The following KIAA0825 variants were observed in gnomAD, a reference collection of about 807,000 sequenced individuals.
The protein encoded by KIAA0825 is KIAA0825.
A neutral mutation model predicts 147.6 loss-of-function variants in KIAA0825; 119 were observed. That is an observed-to-expected ratio of 0.81 (90% CI 0.69 to 0.94). KIAA0825 has a LOEUF of 0.94. Ranked by LOEUF, KIAA0825 falls within the 40% of genes least tolerant of loss-of-function variation. The pLI is 0.00. For synonymous variants in KIAA0825, 470 were observed against 518.1 expected (o/e 0.91, Z 1.26); for missense variants, 1,381 against 1,472.7 (o/e 0.94, Z 1.02).
chr5:94,370,642 G>C (rs187999072), intron 20 of KIAA0825, among the ~76,000 whole-genome samples: 36 of 152,120 alleles, frequency 2.4e-4, no homozygotes, highest in African/African-American at 8.4e-4. Context: ...TGCTGTGGCT[G>C]AAGCCTGTAA....
chr5:94,612,685 G>T (rs888127324), intron 1 of KIAA0825, among the ~76,000 whole-genome samples: 1 of 151,976 alleles, frequency 6.6e-6, no homozygotes, highest in Non-Finnish European at 1.5e-5. Context: ...TTCACAAAAG[G>T]CCTATGAAGA....
intron 20 of KIAA0825, among the ~76,000 whole-genome samples, chr5:94,241,351 A>G (rs1775334383): frequency 6.6e-6 from 1 of 152,218 alleles, no homozygotes; most frequent in Admixed American, 6.5e-5. Context: ...ACTGTTTTAC[A>G]TAGTCATCAT....
chr5:94,371,040 A>AGGAGCTGGTGGG lies in KIAA0825; in HGVS notation c.3710+13316_3710+13327dup, dbSNP rs546248352. On this transcript the variant is annotated intron_variant, in intron 20 of 20. Coordinates refer to ENST00000682413, the MANE Select transcript of KIAA0825 (RefSeq NM_001145678.3). ...AATTAGAGTGAGACTTGTGTGATTC[A>AGGAGCTGGTGGG]GGAGCTGGTGGGGGAGCGGGTGGGA... 7.0e-3 allele frequency among the ~76,000 whole-genome samples: 1,059 copies of AGGAGCTGGTGGG among 152,312 alleles called. 13 individuals carry two copies. Among genetic ancestry groups the AGGAGCTGGTGGG allele is most frequent in the African/African-American group, 0.024 (1,009 of 41,556 alleles).
chr5:94,599,974 C>T (rs1786070590), intron 1 of KIAA0825, among the ~76,000 whole-genome samples: 1 of 152,038 alleles, frequency 6.6e-6, no homozygotes, highest in African/African-American at 2.4e-5. Context: ...TACAACTAAA[C>T]AATACAAAGA....
At chr5:94,547,736 C>CAAAAAAAAAA (rs144612994) in intron 2 of KIAA0825, among the ~76,000 whole-genome samples, 5 of 127,680 alleles carry the variant, frequency 3.9e-5, no homozygotes, top group Admixed American at 3.2e-4. Flanking sequence ...GACTCCCTTT[C>CAAAAAAAAAA]AAAAAAAAAA....
intron 20 of KIAA0825, among the ~76,000 whole-genome samples, chr5:94,261,290 G>A (rs954974855): frequency 6.6e-6 from 1 of 152,120 alleles, no homozygotes; most frequent in African/African-American, 2.4e-5. Context: ...GGGTGATGGA[G>A]TGAGAGTCTG....
At chr5:94,490,062 T>C (rs1763549553) in intron 5 of KIAA0825, among the ~76,000 whole-genome samples, 1 of 152,120 alleles carries the variant, frequency 6.6e-6, no homozygotes, top group African/African-American at 2.4e-5. Context: ...ATAGCCTACA[T>C]ATTTGCCCTG....
chr5:94,272,394 A>ACC (rs1461890374), intron 20 of KIAA0825, among the ~76,000 whole-genome samples: 1 of 152,130 alleles, frequency 6.6e-6, no homozygotes, highest in Non-Finnish European at 1.5e-5. Context: ...GGTGATGGAT[A>ACC]CCCCATTTAC....
intron 5 of KIAA0825, among the ~76,000 whole-genome samples, chr5:94,502,156 T>C (rs1218490076): frequency 6.6e-6 from 1 of 152,172 alleles, no homozygotes; most frequent in Non-Finnish European, 1.5e-5. Context: ...TAAGACCTAA[T>C]ACTTTTCACA....
intron 20 of KIAA0825, among the ~76,000 whole-genome samples, chr5:94,215,616 G>A (rs909019991): frequency 6.6e-6 from 1 of 152,094 alleles, no homozygotes; most frequent in Non-Finnish European, 1.5e-5. Context: ...TGCCTAAGTA[G>A]TCTACTTGCT....
intron 5 of KIAA0825, among the ~76,000 whole-genome samples, chr5:94,514,144 G>A (rs1766886485): frequency 6.6e-6 from 1 of 152,076 alleles, no homozygotes. Flanking sequence ...AATTAATAGT[G>A]AAAAGGATCT....
At chr5:94,290,296 C>T (rs896948374) in intron 20 of KIAA0825, among the ~76,000 whole-genome samples, 1 of 152,106 alleles carries the variant, frequency 6.6e-6, no homozygotes, top group Non-Finnish European at 1.5e-5. Flanking sequence ...CCCCCCACCA[C>T]CCAACAGACC....
At chr5:94,318,506 A>ATGGAAAATAATTTCCTG (rs1404459280) in intron 20 of KIAA0825, among the ~76,000 whole-genome samples, 8 of 151,976 alleles carry the variant, frequency 5.3e-5, no homozygotes, top group African/African-American at 1.9e-4. Flanking sequence ...GTAGCCATAT[A>ATGGAAAATAATTTCCTG]TGGAAAATAA....
intron 20 of KIAA0825, among the ~76,000 whole-genome samples, chr5:94,307,452 A>T (rs1778817320): frequency 6.6e-6 from 1 of 151,774 alleles, no homozygotes; most frequent in Non-Finnish European, 1.5e-5. Context: ...AGCCCAAGAC[A>T]TCAAGGGAAT....
chr5:94,185,379 A>G (rs950904980), intron 20 of KIAA0825, among the ~76,000 whole-genome samples: 2 of 152,188 alleles, frequency 1.3e-5, no homozygotes, highest in East Asian at 1.9e-4. Flanking sequence ...TCAAAAGAAT[A>G]TGGTGTATGG....
intron 19 of KIAA0825, 48 bp downstream of exon 19, chr5:94,386,194 G>T (rs1427204576): frequency 2.0e-6 from 3 of 1,488,436 alleles, no homozygotes; most frequent in Admixed American, 2.4e-5. Flanking sequence ...TTTCTTACTT[G>T]GGTAAAGAAA....
chr5:94,314,525 A>G (rs1779470364), intron 20 of KIAA0825, among the ~76,000 whole-genome samples: 1 of 151,704 alleles, frequency 6.6e-6, no homozygotes, highest in Non-Finnish European at 1.5e-5. Context: ...CATAAAATTT[A>G]AGGTGATAAA....
chr5:94,327,877 G>A (rs1008032745), intron 20 of KIAA0825, among the ~76,000 whole-genome samples: 11 of 151,960 alleles, frequency 7.2e-5, no homozygotes, highest in East Asian at 1.9e-4. Context: ...GTGGTGGTGC[G>A]GGCCTGTAGT....
At chr5:94,438,893 G>A (rs560309069) in intron 14 of KIAA0825, among the ~76,000 whole-genome samples, 31 of 152,288 alleles carry the variant, frequency 2.0e-4, no homozygotes, top group Middle Eastern at 3.4e-3. Context: ...CATGCTAAGG[G>A]CAAATAAAGT....
Sources: allele counts gnomAD v4.1 joint callset (sites outside exome capture counted in the v4.1 genomes callset), GRCh38; gene constraint gnomAD v4.1.1; transcripts MANE v1.5; gene names NCBI Gene and HGNC (gene_info 2026-07-23, HGNC 2026-07-21).